Variants in RNF216 observed in about 807,000 individuals in gnomAD.
The protein encoded by RNF216 is ring finger protein 216.
In RNF216, 72 loss-of-function variants were observed where a neutral mutation model predicts 110.8. The observed-to-expected ratio is 0.65, with a 90% CI of 0.54 to 0.79. The LOEUF is 0.79. RNF216 is among the 30% of genes least tolerant of loss of function. RNF216 has a pLI of 0.00. For missense variants in RNF216, 1,342 were observed against 1,141.2 expected, an observed-to-expected ratio of 1.18 and a Z score of -2.54; for synonymous variants, 495 against 407.5, an observed-to-expected ratio of 1.21 and a Z score of -2.59.
At chr7:5,667,007 A>G (rs915264653) in intron 13 of RNF216, among the ~76,000 whole-genome samples, 2 of 151,868 alleles carry the variant, frequency 1.3e-5, no homozygotes, top group Admixed American at 6.6e-5. Context: ...AGGTCTTGCT[A>G]TGTTGCTCAG....
intron 14 of RNF216, chr7:5,649,572 C>CTA (rs777367744): frequency 6.6e-6 from 1 of 151,802 alleles, no homozygotes. Flanking sequence ...CCCAGAGGGG[C>CTA]TATATGATAA....
chr7:5,748,125 C>G (rs995808669), intron 3 of RNF216, among the ~76,000 whole-genome samples: 1 of 152,126 alleles, frequency 6.6e-6, no homozygotes, highest in Non-Finnish European at 1.5e-5. Context: ...ACCCAGAAAC[C>G]CACTACAACT....
chr7:5,662,273 T>A (rs1387009894), intron 13 of RNF216, among the ~76,000 whole-genome samples: 1 of 152,208 alleles, frequency 6.6e-6, no homozygotes, highest in African/African-American at 2.4e-5. Flanking sequence ...GAAGTAGCTG[T>A]TCCTGCCACC....
intron 13 of RNF216, among the ~76,000 whole-genome samples, chr7:5,664,678 T>C (rs779733535): frequency 4.1e-4 from 62 of 152,210 alleles, no homozygotes; most frequent in Non-Finnish European, 6.2e-4. Flanking sequence ...GGAAGGCCAG[T>C]TGCCGCCCAA....
intron 3 of RNF216, among the ~76,000 whole-genome samples, chr7:5,744,519 A>G (rs973034572): frequency 2.6e-5 from 4 of 152,220 alleles, no homozygotes; most frequent in Non-Finnish European, 5.9e-5. Flanking sequence ...TTCGAACTAA[A>G]TAAGGGAAAA....
At chr7:5,764,260 G>GT (rs1164962203) in intron 1 of RNF216, among the ~76,000 whole-genome samples, 1 of 150,594 alleles carries the variant, frequency 6.6e-6, no homozygotes, top group African/African-American at 2.4e-5. Context: ...CAATGGTGTG[G>GT]TGAAACTATA....
At chr7:5,698,875 C>T (rs906189648) in intron 13 of RNF216, among the ~76,000 whole-genome samples, 1 of 152,178 alleles carries the variant, frequency 6.6e-6, no homozygotes, top group Non-Finnish European at 1.5e-5. Context: ...TGTTATGTTG[C>T]ACATTTTCTC....
intron 12 of RNF216, 61 bp from the exon 13 acceptor site, chr7:5,711,900 C>T (rs1792720557): frequency 7.0e-7 from 1 of 1,428,696 alleles, no homozygotes. Context: ...CTGGTTCCAG[C>T]TCCATGTGGC....
intron 1 of RNF216, among the ~76,000 whole-genome samples, chr7:5,776,043 A>G (rs1424030857): frequency 6.6e-6 from 1 of 152,156 alleles, no homozygotes; most frequent in Admixed American, 6.6e-5. Flanking sequence ...TTCTTTGGAT[A>G]TCCATCCTTT....
rs141327139 is a variant in RNF216 at position 5,622,946 on chromosome 7, C to A, written c.2686G>T (p.Val896Phe). 1 of 1,613,964 alleles carries A rather than the reference C, an allele frequency of 6.2e-7. No individual in the cohort carries two copies. Among genetic ancestry groups the A allele is most frequent in the Non-Finnish European group, 8.5e-7 (1 of 1,180,004 alleles). The part of the protein sequence containing the change: ...PYVPPLPNVR[V>F]NYDFGPIHMP... The stretch of plus-strand genomic sequence containing the variant: ...TGGATGGGACCGAAGTCATAGTTGA[C>A]CCGCACGTTGGGCAGAGGGGGCACG... The change falls in exon 17 of 17, where the codon GTC (valine) becomes TTC (phenylalanine). Residue 896 changes from valine to phenylalanine, a missense_variant. By Grantham distance (50) the Val-to-Phe change is conservative. Coordinates refer to ENST00000389902, the MANE Select transcript of RNF216 (RefSeq NM_207111.4).
intron 9 of RNF216, 93 bp from the exon 10 acceptor site, chr7:5,716,859 T>C: frequency 1.1e-6 from 1 of 949,828 alleles, no homozygotes; most frequent in Non-Finnish European, 1.6e-6. Context: ...AACTCCAGTA[T>C]TGCGATCTCT....
chr7:5,698,345 G>A (rs1379175179), intron 13 of RNF216, among the ~76,000 whole-genome samples: 1 of 150,880 alleles, frequency 6.6e-6, no homozygotes, highest in Non-Finnish European at 1.5e-5. Context: ...CAATTCATCG[G>A]TTACAATGAA....
chr7:5,693,424 A>C (rs1416783944), intron 13 of RNF216, among the ~76,000 whole-genome samples: 1 of 152,208 alleles, frequency 6.6e-6, no homozygotes, highest in Admixed American at 6.5e-5. Context: ...TGAGGTACCA[A>C]AATGTACTGA....
chr7:5,700,238 C>G (rs1330486795), intron 13 of RNF216, among the ~76,000 whole-genome samples: 2 of 152,186 alleles, frequency 1.3e-5, no homozygotes, highest in African/African-American at 4.8e-5. Flanking sequence ...CACCTCAGCA[C>G]ACACCACAAG....
At chr7:5,758,062 A>C (rs1015009931) in intron 2 of RNF216, among the ~76,000 whole-genome samples, 3 of 152,234 alleles carry the variant, frequency 2.0e-5, no homozygotes, top group Non-Finnish European at 4.4e-5. Context: ...AGTTCTCATG[A>C]TGGGTGCAGA....
At chr7:5,693,188 G>C (rs1434546418) in intron 13 of RNF216, among the ~76,000 whole-genome samples, 4 of 152,204 alleles carry the variant, frequency 2.6e-5, no homozygotes, top group African/African-American at 4.8e-5. Context: ...ATTATACTGG[G>C]ACACAGCCAC....
chr7:5,623,723 C>A (rs1786533760), intron 16 of RNF216, among the ~76,000 whole-genome samples: 1 of 152,158 alleles, frequency 6.6e-6, no homozygotes, highest in African/African-American at 2.4e-5. Context: ...TGTGTGCCAA[C>A]ACACCTGGCT....
intron 3 of RNF216, among the ~76,000 whole-genome samples, chr7:5,750,490 C>A (rs889449878): frequency 1.3e-5 from 2 of 152,198 alleles, no homozygotes; most frequent in East Asian, 1.9e-4. Flanking sequence ...AAAGAAAACT[C>A]CAGTATGCCT....
intron 13 of RNF216, 148 bp from the exon 14 acceptor site, chr7:5,652,658 G>A: frequency 1.6e-6 from 1 of 611,820 alleles, no homozygotes; most frequent in Non-Finnish European, 2.9e-6. Flanking sequence ...TATTTCTAAA[G>A]ACATCTTTTA....
Sources: allele counts gnomAD v4.1 joint callset (sites outside exome capture counted in the v4.1 genomes callset), GRCh38; gene constraint gnomAD v4.1.1; transcripts MANE v1.5; gene names NCBI Gene and HGNC (gene_info 2026-07-23, HGNC 2026-07-21).